Variants in MECOM observed in about 807,000 individuals in gnomAD.
MECOM encodes histone-lysine N-methyltransferase MECOM.
Under a neutral mutation model 116.3 loss-of-function variants are expected in MECOM, and 13 were observed. The ratio of observed to expected loss-of-function variants is 0.11; its 90% CI spans 0.07 to 0.18. The LOEUF (loss-of-function observed/expected upper bound fraction) is 0.18. Among genes scored for constraint, MECOM ranks in the 10% least tolerant of loss-of-function variants. The pLI is 1.00. For missense variants in MECOM, 1,299 were observed against 1,509.0 expected, an observed-to-expected ratio of 0.86 and a Z score of 2.31; for synonymous variants, 528 against 535.2, an observed-to-expected ratio of 0.99 and a Z score of 0.19.
intron 1 of MECOM, among the ~76,000 whole-genome samples, chr3:169,646,819 T>C (rs573718465): frequency 6.6e-6 from 1 of 152,296 alleles, no homozygotes; most frequent in Non-Finnish European, 1.5e-5. Context: ...TGTCAGGCAA[T>C]GAAGTAATGA....
chr3:169,542,151 C>T (rs570572895), intron 1 of MECOM, among the ~76,000 whole-genome samples: 94 of 152,192 alleles, frequency 6.2e-4, no homozygotes, highest in Non-Finnish European at 8.5e-4. Flanking sequence ...GGACCTAAAA[C>T]GCATTGAAAG....
chr3:169,560,155 T>C (rs772911462), intron 1 of MECOM, among the ~76,000 whole-genome samples: 11 of 152,292 alleles, frequency 7.2e-5, no homozygotes, highest in South Asian at 4.1e-4. Context: ...CCCTTATAAG[T>C]GTTTAAGAAT....
At chr3:169,519,186 T>G (rs963838190) in intron 1 of MECOM, among the ~76,000 whole-genome samples, 6 of 152,230 alleles carry the variant, frequency 3.9e-5, no homozygotes, top group Admixed American at 1.3e-4. Flanking sequence ...TTTGTCCAGT[T>G]TGAAAAACAA....
chr3:169,449,340 AT>A (rs530909533), intron 1 of MECOM, among the ~76,000 whole-genome samples: 407 of 152,244 alleles, frequency 2.7e-3, no homozygotes, highest in Non-Finnish European at 4.2e-3. Context: ...AGCTCAGGTT[AT>A]TTTTTACACT....
At chr3:169,244,647 T>C (rs1358340345) in intron 2 of MECOM, among the ~76,000 whole-genome samples, 1 of 152,232 alleles carries the variant, frequency 6.6e-6, no homozygotes, top group African/African-American at 2.4e-5. Flanking sequence ...GTTTCTGACA[T>C]GCCACCGCAT....
chr3:169,197,752 A>G (rs1748621378), intron 2 of MECOM, among the ~76,000 whole-genome samples: 1 of 152,152 alleles, frequency 6.6e-6, no homozygotes, highest in African/African-American at 2.4e-5. Context: ...GATGAACTCA[A>G]TAAAGAATAA....
At chr3:169,475,288 T>C (rs1009109563) in intron 1 of MECOM, among the ~76,000 whole-genome samples, 1 of 152,210 alleles carries the variant, frequency 6.6e-6, no homozygotes, top group Non-Finnish European at 1.5e-5. Flanking sequence ...TATCCTAATA[T>C]AACCATTTTA....
At chr3:169,270,431 A>T (rs977160153) in intron 2 of MECOM, among the ~76,000 whole-genome samples, 1 of 152,026 alleles carries the variant, frequency 6.6e-6, no homozygotes, top group African/African-American at 2.4e-5. Flanking sequence ...TATAATATTT[A>T]TGTATTTAAT....
chr3:169,228,318 C>A (rs1020137473), intron 2 of MECOM, among the ~76,000 whole-genome samples: 2 of 152,168 alleles, frequency 1.3e-5, no homozygotes, highest in Non-Finnish European at 2.9e-5. Context: ...TTTCTAAGCT[C>A]AGTGCAATAT....
intron 1 of MECOM, among the ~76,000 whole-genome samples, chr3:169,420,656 A>G (rs1305881248): frequency 3.3e-5 from 5 of 152,112 alleles, no homozygotes; most frequent in African/African-American, 9.7e-5. Context: ...TGGTTCAACT[A>G]TGAATCATTT....
intron 2 of MECOM, among the ~76,000 whole-genome samples, chr3:169,259,696 C>A (rs958513285): frequency 6.6e-6 from 1 of 152,206 alleles, no homozygotes; most frequent in Non-Finnish European, 1.5e-5. Context: ...CCACTACAGT[C>A]CAGCCTGGGC....
intron 1 of MECOM, among the ~76,000 whole-genome samples, chr3:169,443,360 C>T (rs73172097): frequency 0.1 from 15,183 of 152,162 alleles, 1,057 homozygotes; most frequent in Non-Finnish European, 0.15. Flanking sequence ...GCACTACTCT[C>T]TGTGGGGGGA....
intron 1 of MECOM, among the ~76,000 whole-genome samples, chr3:169,491,167 C>A (rs1418042227): frequency 6.6e-6 from 1 of 152,052 alleles, no homozygotes; most frequent in Admixed American, 6.5e-5. Context: ...TGAAACATTT[C>A]ATAATTAAAA....
chr3:169,088,828 T>G (rs547362181), intron 16 of MECOM, among the ~76,000 whole-genome samples, 172 bp downstream of exon 16: 2 of 152,284 alleles, frequency 1.3e-5, no homozygotes, highest in East Asian at 3.9e-4. Flanking sequence ...GCTTAACTAT[T>G]TTGGATTTGG....
chr3:169,493,248 C>A (rs550533861), intron 1 of MECOM, among the ~76,000 whole-genome samples: 2 of 152,136 alleles, frequency 1.3e-5, no homozygotes, highest in Admixed American at 1.3e-4. Context: ...GGTTTATTTG[C>A]AAATATGGTT....
At chr3:169,569,621 T>C (rs1763644071) in intron 1 of MECOM, among the ~76,000 whole-genome samples, 1 of 152,112 alleles carries the variant, frequency 6.6e-6, no homozygotes, top group Non-Finnish European at 1.5e-5. Flanking sequence ...ATGGAAATCA[T>C]AACAAACAGT....
chr3:169,223,130 A>AT (rs11360204), intron 2 of MECOM, among the ~76,000 whole-genome samples: 13 of 150,694 alleles, frequency 8.6e-5, no homozygotes, highest in East Asian at 5.9e-4. Flanking sequence ...AAAGTCCTAT[A>AT]TTTTTTTTTT....
intron 1 of MECOM, among the ~76,000 whole-genome samples, chr3:169,493,094 A>C (rs968550121): frequency 3.3e-5 from 5 of 152,204 alleles, no homozygotes; most frequent in African/African-American, 9.6e-5. Flanking sequence ...ACTTTAGCTA[A>C]TATGTCTTTT....
chr3:169,424,121 T>A (rs2108519004), intron 1 of MECOM, among the ~76,000 whole-genome samples: 1 of 152,250 alleles, frequency 6.6e-6, no homozygotes, highest in African/African-American at 2.4e-5. Flanking sequence ...TCAACAGACC[T>A]GTAGTTATTC....
Sources: allele counts gnomAD v4.1 joint callset (sites outside exome capture counted in the v4.1 genomes callset), GRCh38; gene constraint gnomAD v4.1.1; transcripts MANE v1.5; gene names NCBI Gene and HGNC (gene_info 2026-07-23, HGNC 2026-07-21).